TMEM164: variants seen among roughly 807,000 people sequenced by gnomAD.
The protein encoded by TMEM164 is transmembrane protein 164.
Under a neutral mutation model 18.8 loss-of-function variants are expected in TMEM164, and 4 were observed. The observed-to-expected ratio is 0.21, with a 90% confidence interval of 0.10 to 0.49. TMEM164 has a LOEUF of 0.49. Among genes scored for constraint, TMEM164 ranks in the 20% least tolerant of loss-of-function variants. TMEM164 has a pLI of 0.98. For synonymous variants in TMEM164, 86 were observed against 101.7 expected (o/e 0.85, Z 0.93); for missense variants, 108 against 239.9 (o/e 0.45, Z 3.63).
chrX:110,106,203 C>T (rs1266923669), intron 3 of TMEM164, among the ~76,000 whole-genome samples: 1 of 111,318 alleles, frequency 9.0e-6, no homozygotes, highest in African/African-American at 3.3e-5. Flanking sequence ...AGGGACTTAA[C>T]TGTTTTGGAT....
At chrX:110,124,458 G>A (rs2066502024) in intron 4 of TMEM164, among the ~76,000 whole-genome samples, 2 of 111,177 alleles carry the variant, frequency 1.8e-5, no homozygotes, top group South Asian at 7.6e-4. Flanking sequence ...AGGACCTTGA[G>A]TGGAGTGAAC....
chrX:110,044,978 G>A (rs1181228200), intron 2 of TMEM164, among the ~76,000 whole-genome samples: 1 of 111,632 alleles, frequency 9.0e-6, no homozygotes, highest in Non-Finnish European at 1.9e-5. Flanking sequence ...TTACTCTCTG[G>A]CATGTATCAC....
chrX:110,069,054 A>G (rs924344503), intron 3 of TMEM164, among the ~76,000 whole-genome samples: 1 of 111,866 alleles, frequency 8.9e-6, no homozygotes, highest in Admixed American at 9.6e-5. Context: ...CCTATTAATG[A>G]ACATTTACTT....
intron 5 of TMEM164, among the ~76,000 whole-genome samples, chrX:110,162,063 G>C (rs1316892125): frequency 8.9e-6 from 1 of 112,856 alleles, no homozygotes; most frequent in Non-Finnish European, 1.9e-5. Context: ...CCCTCCTAGA[G>C]ATTCTGATTT....
intron 4 of TMEM164, among the ~76,000 whole-genome samples, chrX:110,110,031 A>G (rs976310918): frequency 8.9e-6 from 1 of 112,227 alleles, no homozygotes; most frequent in Non-Finnish European, 1.9e-5. Flanking sequence ...ACAGTGTACA[A>G]GGTTTTTCGC....
chrX:110,090,715 A>AT (rs919061814), intron 3 of TMEM164, among the ~76,000 whole-genome samples: 1 of 111,087 alleles, frequency 9.0e-6, no homozygotes, highest in African/African-American at 3.3e-5. Flanking sequence ...CTTTATTTTT[A>AT]TTTTTTATTA....
chrX:110,104,824 AG>A, intron 3 of TMEM164, among the ~76,000 whole-genome samples: 1 of 111,669 alleles, frequency 9.0e-6, no homozygotes, highest in South Asian at 3.7e-4. Flanking sequence ...AGGAGTTAAA[AG>A]TTATAGGCAG....
chrX:110,126,753 A>C (rs1249725596), intron 4 of TMEM164, among the ~76,000 whole-genome samples: 1 of 107,956 alleles, frequency 9.3e-6, no homozygotes, highest in African/African-American at 3.4e-5. Flanking sequence ...GGATGGGTTC[A>C]GGGATTTTCT....
Position 110,004,171 on chromosome X carries a change from C to T in TMEM164, c.390+7C>T, listed in dbSNP as rs1183592501. On this transcript the variant is annotated splice_region_variant and intron_variant, in intron 2 of 6. Coordinates refer to ENST00000372068, the MANE Select transcript of TMEM164 (RefSeq NM_032227.4). The stretch of plus-strand genomic sequence containing the variant: ...CCTGGTCACCATGATGCATGTGAGT[C>T]TGTTGACTTTTTCCTGGGCATCCTA... The T allele has an allele frequency of 1.7e-6, 2 of 1,183,427 alleles. No homozygotes were observed. The highest frequency in any genetic ancestry group is 3.5e-5 in the African/African-American group (2 of 56,400).
intron 3 of TMEM164, among the ~76,000 whole-genome samples, chrX:110,078,098 G>A (rs1236408534): frequency 8.9e-6 from 1 of 112,280 alleles, no homozygotes; most frequent in Non-Finnish European, 1.9e-5. Context: ...ATGCCAGTGA[G>A]TCTTAGGTTT....
At chrX:110,018,960 A>G (rs1933641118) in intron 2 of TMEM164, among the ~76,000 whole-genome samples, 1 of 112,292 alleles carries the variant, frequency 8.9e-6, no homozygotes. Context: ...ACATTTAAAC[A>G]TTCCCTAGGC....
At chrX:110,109,328 G>A (rs776027633) in intron 4 of TMEM164, among the ~76,000 whole-genome samples, 182 bp downstream of exon 4, 1 of 111,869 alleles carries the variant, frequency 8.9e-6, no homozygotes, top group African/African-American at 3.2e-5. Flanking sequence ...GACCAGTCTG[G>A]CCGACATGGT....
At chrX:110,065,817 T>A (rs1271251681) in intron 2 of TMEM164, among the ~76,000 whole-genome samples, 1 of 111,998 alleles carries the variant, frequency 8.9e-6, no homozygotes, top group African/African-American at 3.3e-5. Context: ...GGGAAACATA[T>A]GAATATTCAC....
At chrX:110,154,260 T>A (rs900535690) in intron 5 of TMEM164, among the ~76,000 whole-genome samples, 2 of 112,147 alleles carry the variant, frequency 1.8e-5, no homozygotes, top group African/African-American at 3.2e-5. Context: ...AAAAGCATTT[T>A]GATAACTATA....
chrX:110,053,676 C>A (rs1273692416), intron 2 of TMEM164, among the ~76,000 whole-genome samples: 1 of 111,484 alleles, frequency 9.0e-6, no homozygotes, highest in Non-Finnish European at 1.9e-5. Flanking sequence ...ACCATCCATC[C>A]CTCCCATGGG....
intron 3 of TMEM164, among the ~76,000 whole-genome samples, chrX:110,082,911 C>T (rs2065780613): frequency 9.0e-6 from 1 of 111,520 alleles, no homozygotes; most frequent in African/African-American, 3.3e-5. Flanking sequence ...CTCATGGTCT[C>T]TGCTGAATTT....
chrX:110,019,445 G>A (rs909110438), intron 2 of TMEM164, among the ~76,000 whole-genome samples: 1 of 111,143 alleles, frequency 9.0e-6, no homozygotes, highest in Non-Finnish European at 1.9e-5. Flanking sequence ...GCAGCCTTGT[G>A]ATTGATCTTC....
chrX:110,055,374 C>T, intron 2 of TMEM164: 2 of 373,142 alleles, frequency 5.4e-6, no homozygotes, highest in Non-Finnish European at 1.1e-5. Context: ...GTGCCATTCA[C>T]ATAGACTATA....
chrX:110,061,067 G>A (rs1936102712), intron 2 of TMEM164, among the ~76,000 whole-genome samples: 1 of 112,314 alleles, frequency 8.9e-6, no homozygotes, highest in Non-Finnish European at 1.9e-5. Flanking sequence ...ATGTCAGAAT[G>A]TTGTTATTGC....
Sources: allele counts gnomAD v4.1 joint callset (sites outside exome capture counted in the v4.1 genomes callset), GRCh38; gene constraint gnomAD v4.1.1; transcripts MANE v1.5; gene names NCBI Gene and HGNC (gene_info 2026-07-23, HGNC 2026-07-21).